The following RBFOX1 variants were observed in gnomAD, a reference collection of about 807,000 sequenced individuals.
The protein encoded by RBFOX1 is RNA binding fox-1 homolog 1.
RBFOX1 carries 8 observed loss-of-function variants against 57.7 expected under a neutral mutation model. The ratio of observed to expected loss-of-function variants is 0.14; its 90% CI spans 0.08 to 0.25. The LOEUF is 0.25. Ranked by LOEUF, RBFOX1 falls within the 10% of genes least tolerant of loss-of-function variation. The pLI is 1.00. For synonymous variants in RBFOX1, 326 were observed against 222.4 expected, an observed-to-expected ratio of 1.47 and a Z score of -4.15; for missense variants, 611 against 548.5, an observed-to-expected ratio of 1.11 and a Z score of -1.14.
chr16:6,222,421 C>T (rs1002306554), intron 1 of RBFOX1, among the ~76,000 whole-genome samples: 2 of 151,932 alleles, frequency 1.3e-5, no homozygotes, highest in Non-Finnish European at 2.9e-5. Flanking sequence ...TCCCTTCCCT[C>T]CTTCTGCTTG....
At chr16:6,370,120 A>T (rs914759917) in intron 2 of RBFOX1, among the ~76,000 whole-genome samples, 1 of 152,046 alleles carries the variant, frequency 6.6e-6, no homozygotes, top group Non-Finnish European at 1.5e-5. Flanking sequence ...GCACTTTGGG[A>T]GGCCGAGGCA....
chr16:6,052,723 G>A (rs1596728909), intron 1 of RBFOX1, among the ~76,000 whole-genome samples: 1 of 151,844 alleles, frequency 6.6e-6, no homozygotes, highest in East Asian at 1.9e-4. Flanking sequence ...GGCGGAGCTT[G>A]CAGTGAGCCG....
intron 3 of RBFOX1, among the ~76,000 whole-genome samples, chr16:6,708,257 G>A (rs1300200245): frequency 6.6e-6 from 1 of 150,384 alleles, no homozygotes; most frequent in African/African-American, 2.4e-5. Context: ...AAGTCATTGT[G>A]TGGGCTAGGA....
intron 1 of RBFOX1, among the ~76,000 whole-genome samples, chr16:6,183,500 A>AAATAAAT (rs1491047001): frequency 5.3e-5 from 8 of 149,642 alleles, no homozygotes; most frequent in African/African-American, 1.7e-4. Flanking sequence ...ATAAATAAAT[A>AAATAAAT]AATAAATAAA....
intron 4 of RBFOX1, among the ~76,000 whole-genome samples, chr16:7,303,486 G>A (rs942935754): frequency 1.3e-5 from 2 of 152,256 alleles, no homozygotes; most frequent in African/African-American, 2.4e-5. Flanking sequence ...GATGCCGGGC[G>A]CGCGGGGCGC....
At chr16:6,643,705 G>C (rs1190562731) in intron 2 of RBFOX1, among the ~76,000 whole-genome samples, 4 of 152,064 alleles carry the variant, frequency 2.6e-5, no homozygotes, top group Non-Finnish European at 5.9e-5. Flanking sequence ...TTAATCATCG[G>C]AGTGGTAGGA....
chr16:5,327,827 G>A (rs1305525838), intron 1 of RBFOX1, among the ~76,000 whole-genome samples: 1 of 152,192 alleles, frequency 6.6e-6, no homozygotes, highest in Non-Finnish European at 1.5e-5. Context: ...GCCACCAGCA[G>A]ACTCATCCAT....
chr16:6,125,013 C>G (rs942121811), intron 1 of RBFOX1, among the ~76,000 whole-genome samples: 1 of 152,102 alleles, frequency 6.6e-6, no homozygotes, highest in Non-Finnish European at 1.5e-5. Context: ...GCCTCCAACC[C>G]AGAGACTCCC....
chr16:7,159,930 A>G (rs987333542), intron 4 of RBFOX1, among the ~76,000 whole-genome samples: 9 of 152,172 alleles, frequency 5.9e-5, no homozygotes, highest in Admixed American at 3.9e-4. Flanking sequence ...ATTTTATTAT[A>G]CCTTTGTTTT....
intron 2 of RBFOX1, among the ~76,000 whole-genome samples, chr16:6,650,267 T>C (rs145978458): frequency 1.5e-4 from 22 of 148,996 alleles, no homozygotes; most frequent in African/African-American, 5.1e-4. Context: ...TTTGGTTGCT[T>C]GGTTTTATTT....
chr16:7,440,951 A>G (rs59166319), intron 4 of RBFOX1, among the ~76,000 whole-genome samples: 6,263 of 152,096 alleles, frequency 0.041, 448 homozygotes, highest in East Asian at 0.32. Context: ...AGGTGAGAGG[A>G]TCAGTTAAGC....
rs553236922 is a variant in RBFOX1 at position 6,468,293 on chromosome 16, C to T, written c.-64+151236C>T. ...CCAAATAAAGGCTTATAGCAAGTTA[C>T]CCAGATATGTTGGCAGAATGGCAAG... On this transcript the variant is annotated intron_variant, in intron 2 of 15. Transcript: ENST00000550418. Among the ~76,000 whole-genome samples, 92 of 152,232 alleles carry T rather than the reference C, an allele frequency of 6.0e-4. 1 individual carries two copies. The highest frequency in any genetic ancestry group is 2.2e-3 in the African/African-American group (91 of 41,556).
chr16:7,357,348 G>T (rs745867232), intron 4 of RBFOX1, among the ~76,000 whole-genome samples: 6 of 152,106 alleles, frequency 3.9e-5, no homozygotes, highest in Non-Finnish European at 8.8e-5. Flanking sequence ...TAGAGAAACT[G>T]ATGATGAAAA....
intron 3 of RBFOX1, among the ~76,000 whole-genome samples, chr16:5,712,367 C>T (rs1209824201): frequency 1.3e-5 from 2 of 152,196 alleles, no homozygotes; most frequent in Non-Finnish European, 2.9e-5. Flanking sequence ...TAGACAAGTG[C>T]TCTAAGGCTT....
chr16:7,519,644 A>G, intron 5 of RBFOX1: 1 of 971,788 alleles, frequency 1.0e-6, no homozygotes, highest in Non-Finnish European at 1.2e-6. Flanking sequence ...GCATTTGGGA[A>G]CCTTTTTCTG....
intron 3 of RBFOX1, among the ~76,000 whole-genome samples, chr16:5,666,324 A>T (rs933481184): frequency 6.6e-6 from 1 of 152,178 alleles, no homozygotes; most frequent in Non-Finnish European, 1.5e-5. Context: ...GGTACTCGTG[A>T]AGCAATGTGA....
At position 7,552,871 on chromosome 16, in the gene RBFOX1, T is replaced by C. The variant is rs566527000; in HGVS notation, c.271-26906T>C. On this transcript the variant is annotated intron_variant, in intron 5 of 15. Coordinates refer to ENST00000550418, the MANE Select transcript of RBFOX1 (RefSeq NM_018723.4). ...CTAATTTTTGTGTTTTTAGTAGAGATGGGGTTTCACCATATTGGCCAGGCT... is the reference window on the plus strand; with the variant it reads ...CTAATTTTTGTGTTTTTAGTAGAGACGGGGTTTCACCATATTGGCCAGGCT... Among the ~76,000 whole-genome samples the C allele has an allele frequency of 2.4e-3, 359 of 152,072 alleles. 1 individual carries two copies. The highest frequency in any genetic ancestry group is 7.3e-3 in the African/African-American group (302 of 41,508).
chr16:7,610,365 C>A (rs2141415697), intron 10 of RBFOX1, among the ~76,000 whole-genome samples: 1 of 151,454 alleles, frequency 6.6e-6, no homozygotes, highest in South Asian at 2.1e-4. Flanking sequence ...AAGTGATGCG[C>A]CCAGCCTGTT....
At chr16:7,622,599 G>C (rs1182228621) in intron 10 of RBFOX1, among the ~76,000 whole-genome samples, 1 of 149,178 alleles carries the variant, frequency 6.7e-6, no homozygotes, top group African/African-American at 2.5e-5. Flanking sequence ...AAAGCAAAAA[G>C]AAAACAAACA....
Sources: gnomAD v4.1 joint callset for allele counts (sites outside exome capture counted in the v4.1 genomes callset) on GRCh38, gnomAD v4.1.1 for gene constraint, MANE v1.5 for transcripts, NCBI Gene and HGNC (gene_info 2026-07-23, HGNC 2026-07-21) for gene names.